BCL2L13: variants seen among roughly 807,000 people sequenced by gnomAD.
The protein encoded by BCL2L13 is bcl-2-like protein 13.
Under a neutral mutation model 25.8 loss-of-function variants are expected in BCL2L13, and 13 were observed. The ratio of observed to expected loss-of-function variants is 0.50; its 90% confidence interval spans 0.33 to 0.80. The LOEUF (loss-of-function observed/expected upper bound fraction) is 0.80. BCL2L13 is among the 30% of genes least tolerant of loss of function. The pLI, the probability that BCL2L13 is intolerant of heterozygous loss-of-function variation, is 0.02. For missense variants in BCL2L13, 504 were observed against 574.9 expected (o/e 0.88, Z 1.26); for synonymous variants, 244 against 230.3 (o/e 1.06, Z -0.54).
At chr22:17,725,071 A>G (rs2061258105) in intron 6 of BCL2L13, among the ~76,000 whole-genome samples, 1 of 152,368 alleles carries the variant, frequency 6.6e-6, no homozygotes, top group African/African-American at 2.4e-5. Context: ...CATGGACACA[A>G]GGCCTGTGCT....
rs1486865991 is a variant in BCL2L13 at position 17,723,717 on chromosome 22, G to A, written c.601-2960G>A. On this transcript the variant is annotated intron_variant, in intron 6 of 6. Transcript: ENST00000317582. ...TGGGAGGCCGAGGTAGGTGGATCAC[G>A]AGGTCAAGAGATTGAGACCATCCTG... is the stretch of plus-strand genomic sequence containing the variant. 2.6e-5 allele frequency among the ~76,000 whole-genome samples: 4 copies of A among 152,204 alleles called. No individual in the cohort carries two copies. In the East Asian group the frequency reaches 5.8e-4, roughly 22 times the overall value.
intron 4 of BCL2L13, among the ~76,000 whole-genome samples, chr22:17,695,301 A>G (rs1474788033): frequency 6.6e-6 from 1 of 152,300 alleles, no homozygotes; most frequent in East Asian, 1.9e-4. Context: ...TATTCATGCC[A>G]ATAGTTAAAT....
At chr22:17,694,697 A>G (rs544536902) in intron 4 of BCL2L13, among the ~76,000 whole-genome samples, 1 of 152,266 alleles carries the variant, frequency 6.6e-6, no homozygotes, top group Non-Finnish European at 1.5e-5. Flanking sequence ...CATTAGCTAC[A>G]TGTGACATCG....
chr22:17,686,517 CTT>C (rs542476608), intron 3 of BCL2L13, among the ~76,000 whole-genome samples: 1 of 139,970 alleles, frequency 7.1e-6, no homozygotes, highest in Non-Finnish European at 1.5e-5. Context: ...CTTTTTTTTT[CTT>C]TTTTTTTTTG....
chr22:17,691,428 C>T (rs935063390), intron 4 of BCL2L13, among the ~76,000 whole-genome samples: 25 of 152,114 alleles, frequency 1.6e-4, no homozygotes, highest in Non-Finnish European at 2.2e-4. Context: ...GGGCGTATCA[C>T]GAGGTCAGGA....
Position 17,710,900 on chromosome 22 carries a change from AT to A in BCL2L13, c.600+8515del, listed in dbSNP as rs199648486. Among the ~76,000 whole-genome samples the A allele has an allele frequency of 8.3e-4, 126 of 151,876 alleles. 1 individual carries two copies. Among genetic ancestry groups the A allele is most frequent in the Middle Eastern group, 6.8e-3 (2 of 294 alleles). On this transcript the variant is annotated intron_variant, in intron 6 of 6. Coordinates refer to ENST00000317582, the MANE Select transcript of BCL2L13 (RefSeq NM_015367.4). ...TCAAAAAAAATAAAAATAAAAAAAA[AT>A]AAATAAATAAATCTGAATTGGCTTT... is the stretch of plus-strand genomic sequence containing the variant.
intron 2 of BCL2L13, among the ~76,000 whole-genome samples, chr22:17,674,605 CAA>C (rs71201865): frequency 0.8 from 99,301 of 124,906 alleles, 38,800 homozygotes; most frequent in East Asian, 0.92. Context: ...GACTCTGTCT[CAA>C]AAAAAAAAAA....
intron 6 of BCL2L13, chr22:17,703,422 A>G (rs1160280901): frequency 3.9e-5 from 6 of 152,072 alleles, no homozygotes; most frequent in Admixed American, 6.5e-5. Flanking sequence ...AGTTCTGTCA[A>G]TTGTAGGTGA....
intron 1 of BCL2L13, among the ~76,000 whole-genome samples, chr22:17,650,238 T>G (rs1294194764): frequency 6.6e-6 from 1 of 152,202 alleles, no homozygotes; most frequent in Non-Finnish European, 1.5e-5. Context: ...GCCTTCTTAT[T>G]GAAGTGCCTC....
At chr22:17,680,402 G>A (rs935288615) in intron 2 of BCL2L13, among the ~76,000 whole-genome samples, 91 of 150,084 alleles carry the variant, frequency 6.1e-4, no homozygotes, top group African/African-American at 2.1e-3. Flanking sequence ...CCAGCTACTC[G>A]GGAGGTTGAG....
intron 1 of BCL2L13, among the ~76,000 whole-genome samples, chr22:17,641,637 C>T (rs1484839668): frequency 6.6e-6 from 1 of 152,072 alleles, no homozygotes; most frequent in African/African-American, 2.4e-5. Context: ...CCCACCACCA[C>T]AATCATTTTC....
intron 1 of BCL2L13, among the ~76,000 whole-genome samples, chr22:17,640,654 C>G (rs1446057590): frequency 1.3e-5 from 2 of 150,676 alleles, no homozygotes; most frequent in African/African-American, 2.4e-5. Context: ...CCCGGGAGTT[C>G]GAGACCAGCC....
rs1190722328 is a variant in BCL2L13 at position 17,729,269 on chromosome 22, G to A, written c.*1735G>A. The stretch of plus-strand genomic sequence containing the variant: ...TTGTGTGTCTTTCCAGCTTTATCCT[G>A]TAGCGTGTCTTTGTTCTGTGTTTTA... On this transcript the variant is annotated 3_prime_UTR_variant, in exon 7 of 7. Transcript: ENST00000317582. 6.6e-6 allele frequency: 1 copy of A among 152,138 alleles called. No individual in the cohort carries two copies. Among genetic ancestry groups the A allele is most frequent in the Non-Finnish European group, 1.5e-5 (1 of 68,028 alleles). The allele number at this position is 152,138 out of a possible 1,614,324, so 9.4% of individuals were successfully genotyped here. A position where few individuals can be genotyped will look rare whatever the true frequency, so the allele number is the denominator to read the frequency against.
At position 17,688,990 on chromosome 22, in the gene BCL2L13, C is replaced by T. The variant is rs2060026391; in HGVS notation, c.234C>T (p.Phe78=). Reference sequence around the variant, plus strand: ...TTTCTTTTGTCCTATCTTCAGCCTTCACCAGCACAGGCTTTGACCGTCACA... The same window carrying T: ...TTTCTTTTGTCCTATCTTCAGCCTTTACCAGCACAGGCTTTGACCGTCACA... ...KSLDKEISEA[F]TSTGFDRHTS... The change falls in exon 4 of 7, where the codon TTC becomes TTT. Residue 78 remains phenylalanine, a synonymous_variant. Transcript: ENST00000317582. The T allele has an allele frequency of 5.0e-6, 8 of 1,612,400 alleles. No individual in the cohort carries two copies. The highest frequency in any genetic ancestry group is 6.8e-6 in the Non-Finnish European group (8 of 1,179,450).
intron 6 of BCL2L13, among the ~76,000 whole-genome samples, chr22:17,714,614 T>C (rs2060860466): frequency 6.6e-6 from 1 of 152,208 alleles, no homozygotes; most frequent in Non-Finnish European, 1.5e-5. Flanking sequence ...GACTCAACAG[T>C]AACAAAAGAC....
intron 2 of BCL2L13, 66 bp from the exon 3 acceptor site, chr22:17,683,148 A>AAAT: frequency 1.1e-6 from 1 of 876,370 alleles, no homozygotes; most frequent in South Asian, 1.5e-5. Context: ...AAAAAAAAAA[A>AAAT]GTGCTATTAT....
At chr22:17,637,035 G>A (rs1349568261), upstream of BCL2L13, among the ~76,000 whole-genome samples, 2 of 152,142 alleles carry the variant, frequency 1.3e-5, no homozygotes, top group Non-Finnish European at 1.5e-5. Context: ...CACTTTGGGA[G>A]GCTGAGGCAG....
At chr22:17,695,756 C>T (rs76863009) in intron 4 of BCL2L13, 2,742 of 153,840 alleles carry the variant, frequency 0.018, 76 homozygotes, top group African/African-American at 0.062. Flanking sequence ...AGATTTTTTA[C>T]CTTTAAAAAA....
At chr22:17,695,910 C>A in intron 4 of BCL2L13, 14 of 368,908 alleles carry the variant, frequency 3.8e-5, no homozygotes, top group Non-Finnish European at 5.1e-5. Flanking sequence ...CTAGAATATA[C>A]ATTTATCTTG....
Sources: gnomAD v4.1 joint callset for allele counts (sites outside exome capture counted in the v4.1 genomes callset) on GRCh38, gnomAD v4.1.1 for gene constraint, MANE v1.5 for transcripts, NCBI Gene and HGNC (gene_info 2026-07-23, HGNC 2026-07-21) for gene names.